The following TMEM255B variants were observed in gnomAD, a reference collection of about 807,000 sequenced individuals.
TMEM255B encodes the protein family with sequence similarity 70, member B.
A neutral mutation model predicts 34.5 loss-of-function variants in TMEM255B; 35 were observed. That is an observed-to-expected ratio of 1.01 (90% CI 0.77 to 1.34). The LOEUF is 1.34. Ranked by LOEUF, TMEM255B falls within the 40% of genes most tolerant of loss-of-function variation. The pLI is 0.00. For missense variants in TMEM255B, 432 were observed against 433.2 expected (o/e 1.00, Z 0.02); for synonymous variants, 206 against 201.2 (o/e 1.02, Z -0.20).
intron 8 of TMEM255B, among the ~76,000 whole-genome samples, chr13:113,809,697 C>T (rs558262635): frequency 9.2e-4 from 139 of 151,860 alleles, no homozygotes; most frequent in Non-Finnish European, 1.8e-3. Flanking sequence ...CTCCGTGGTT[C>T]CTGAGTTTTA....
At chr13:113,811,582 G>T (rs1164838016) in intron 8 of TMEM255B, among the ~76,000 whole-genome samples, 154 bp from the exon 9 acceptor site, 2 of 142,612 alleles carry the variant, frequency 1.4e-5, no homozygotes, top group Admixed American at 1.4e-4. Context: ...GGTCTGCGGG[G>T]GGCCCATGTG....
chr13:113,809,939 A>G (rs2051268568), intron 8 of TMEM255B, among the ~76,000 whole-genome samples: 1 of 152,098 alleles, frequency 6.6e-6, no homozygotes, highest in Non-Finnish European at 1.5e-5. Context: ...GGAAGAAAGA[A>G]ATGAGGTTGG....
intron 1 of TMEM255B, among the ~76,000 whole-genome samples, chr13:113,764,965 C>T (rs1594615284): frequency 6.6e-6 from 1 of 152,224 alleles, no homozygotes; most frequent in South Asian, 2.1e-4. Flanking sequence ...CCACTGGCCG[C>T]CTCGGTGCAG....
chr13:113,811,301 G>T (rs184432235), intron 8 of TMEM255B, among the ~76,000 whole-genome samples: 2 of 103,192 alleles, frequency 1.9e-5, no homozygotes, highest in Admixed American at 1.0e-4. Flanking sequence ...GTGAGAGTGG[G>T]CCTGGGCCTG....
intron 1 of TMEM255B, among the ~76,000 whole-genome samples, chr13:113,765,604 CA>C (rs1327239928): frequency 6.6e-6 from 1 of 152,112 alleles, no homozygotes; most frequent in Non-Finnish European, 1.5e-5. Context: ...ATTCAGTTTT[CA>C]AAAAATAAAG....
At chr13:113,772,609 A>G (rs2050496163) in intron 3 of TMEM255B, among the ~76,000 whole-genome samples, 1 of 152,238 alleles carries the variant, frequency 6.6e-6, no homozygotes, top group African/African-American at 2.4e-5. Flanking sequence ...GTAGGGACCC[A>G]TGTTCATGCA....
At chr13:113,778,308 C>T (rs2050612199) in intron 3 of TMEM255B, among the ~76,000 whole-genome samples, 1 of 152,226 alleles carries the variant, frequency 6.6e-6, no homozygotes, top group African/African-American at 2.4e-5. Context: ...TGTGGTGTAG[C>T]TGGGTCTGCG....
At chr13:113,765,454 G>T (rs1330366631) in intron 1 of TMEM255B, among the ~76,000 whole-genome samples, 4 of 152,170 alleles carry the variant, frequency 2.6e-5, no homozygotes, top group African/African-American at 9.7e-5. Context: ...TCTCCAGTGT[G>T]CGGTCTGCTT....
chr13:113,811,846 G>A lies in TMEM255B; in HGVS notation c.924G>A (p.Pro308=), dbSNP rs139821544. The A allele has an allele frequency of 1.3e-4, 209 of 1,613,750 alleles. No homozygotes were observed. Among genetic ancestry groups the A allele is most frequent in the Non-Finnish European group, 1.5e-4 (179 of 1,179,880 alleles). ...SGSGLPGQAP[P]CYAPTYFPPG... ...CTGGGCTTCCCGGCCAGGCTCCACC[G>A]TGCTACGCACCCACCTACTTTCCCC... The change falls in exon 9 of 9, where the codon CCG becomes CCA. Residue 308 remains proline (P), a synonymous_variant. Coordinates refer to ENST00000375353, the MANE Select transcript of TMEM255B (RefSeq NM_182614.4).
chr13:113,795,841 G>C (rs1379539720), intron 4 of TMEM255B, among the ~76,000 whole-genome samples: 1 of 123,152 alleles, frequency 8.1e-6, no homozygotes, highest in Non-Finnish European at 1.6e-5. Flanking sequence ...ACAACACACA[G>C]AGCACACAGC....
chr13:113,812,929 CCCGGGTGGGTCACGGGT>C lies in TMEM255B; in HGVS notation c.*1029_*1045del, dbSNP rs1566341928. 4.9e-5 allele frequency: 7 copies of C among 143,948 alleles called. No individual in the cohort carries two copies. The highest frequency in any genetic ancestry group is 1.7e-4 in the African/African-American group (6 of 35,242). 8.9% of individuals were successfully genotyped at this position (143,948 alleles called of 1,614,324 possible). A position where few individuals can be genotyped will look rare whatever the true frequency, so the allele number is the denominator to read the frequency against. ...CACAGGCCCCGGGTGAGTCACGGGT[CCCGGGTGGGTCACGGGT>C]CCCGGGTGGGTCACGGGCCCCGGGT... On this transcript the variant is annotated 3_prime_UTR_variant, in exon 9 of 9. Coordinates refer to ENST00000375353, the MANE Select transcript of TMEM255B (RefSeq NM_182614.4).
intron 3 of TMEM255B, 23 bp from the exon 4 acceptor site, chr13:113,795,125 C>T: frequency 6.2e-7 from 1 of 1,612,528 alleles, no homozygotes; most frequent in Non-Finnish European, 8.5e-7. Context: ...AGCTGGGCAC[C>T]CACACCTCTC....
chr13:113,812,943 G>GGGCCCCGGGTGGGTCACA lies in TMEM255B; in HGVS notation c.*1042_*1043insCCCCGGGTGGGTCACAGG, dbSNP rs2051350425. On this transcript the variant is annotated 3_prime_UTR_variant, in exon 9 of 9. Coordinates refer to ENST00000375353, the MANE Select transcript of TMEM255B (RefSeq NM_182614.4). ...GAGTCACGGGTCCCGGGTGGGTCACGGGTCCCGGGTGGGTCACGGGCCCCG... is the reference window on the plus strand; with the variant it reads ...GAGTCACGGGTCCCGGGTGGGTCACGGGCCCCGGGTGGGTCACAGGTCCCGGGTGGGTCACGGGCCCCG... The GGGCCCCGGGTGGGTCACA allele has an allele frequency of 8.7e-6, 1 of 114,766 alleles. No individual in the cohort carries two copies. The highest frequency in any genetic ancestry group is 4.1e-5 in the African/African-American group (1 of 24,234). 7.1% of individuals were successfully genotyped at this position (114,766 alleles called of 1,614,324 possible).
At chr13:113,786,330 T>C (rs1204037186) in intron 3 of TMEM255B, among the ~76,000 whole-genome samples, 3 of 151,336 alleles carry the variant, frequency 2.0e-5, no homozygotes, top group African/African-American at 7.3e-5. Flanking sequence ...GTCATCACCA[T>C]CCCCATCACC....
At chr13:113,800,271 CCTGTGTGTGTGTGTCAGGGGAGGCGTCCT>C (rs2051024921) in intron 5 of TMEM255B, among the ~76,000 whole-genome samples, 3 of 108,670 alleles carry the variant, frequency 2.8e-5, no homozygotes, top group Non-Finnish European at 5.5e-5. Context: ...GTGGAGGTGT[CCTGTGTGTGTGTGTCAGGGGAGGCGTCCT>C]CTGTGTGTGT....
chr13:113,770,924 G>A lies in TMEM255B; in HGVS notation c.252+1764G>A, dbSNP rs1196414499. ...CCCCAAAGAGGCAGAAGCTGGGTGT[G>A]AAGCTGGGCTTTGGCGATGCACAGG... On this transcript the variant is annotated intron_variant, in intron 3 of 8. Coordinates refer to ENST00000375353, the MANE Select transcript of TMEM255B (RefSeq NM_182614.4). This position sits in a 1 kb window ranked among gnomAD's most constrained non-coding sequence, Gnocchi z 4.6. 6.6e-6 allele frequency among the ~76,000 whole-genome samples: 1 copy of A among 152,200 alleles called. No homozygotes were observed. The highest frequency in any genetic ancestry group is 2.4e-5 in the African/African-American group (1 of 41,452).
chr13:113,768,528 G>C (rs1252697815), intron 2 of TMEM255B, among the ~76,000 whole-genome samples: 1 of 152,044 alleles, frequency 6.6e-6, no homozygotes, highest in Non-Finnish European at 1.5e-5. Context: ...TCTGTGCCTG[G>C]CCCAGGTGCC....
chr13:113,801,059 T>G, intron 6 of TMEM255B, 147 bp downstream of exon 6: 1 of 782,410 alleles, frequency 1.3e-6, no homozygotes, highest in Middle Eastern at 3.5e-4. Flanking sequence ...GGAACCCCCG[T>G]ATGTGCCTGC....
At chr13:113,767,057 C>T (rs1258910947) in intron 2 of TMEM255B, among the ~76,000 whole-genome samples, 2 of 152,194 alleles carry the variant, frequency 1.3e-5, no homozygotes, top group African/African-American at 4.8e-5. Context: ...GTTGCTACGT[C>T]ATAAAGTGCT....
Sources: gnomAD v4.1 joint callset for allele counts (sites outside exome capture counted in the v4.1 genomes callset) on GRCh38, gnomAD v4.1.1 for gene constraint, Gnocchi (gnomAD v3.1) non-coding constraint, MANE v1.5 for transcripts, NCBI Gene and HGNC (gene_info 2026-07-23, HGNC 2026-07-21) for gene names.